Variants in SCFD1 observed in about 807,000 individuals in gnomAD.
The protein encoded by SCFD1 is sec1 family domain containing 1.
SCFD1 carries 37 observed loss-of-function variants against 103.2 expected under a neutral mutation model. That is an observed-to-expected ratio of 0.36 (90% CI 0.28 to 0.47). The LOEUF (loss-of-function observed/expected upper bound fraction) is 0.47, where lower values mean the gene tolerates loss of function less well. Ranked by LOEUF, SCFD1 falls within the 20% of genes least tolerant of loss-of-function variation. SCFD1 has a pLI of 1.00. For synonymous variants in SCFD1, 264 were observed against 245.0 expected (o/e 1.08, Z -0.73); for missense variants, 639 against 761.2 (o/e 0.84, Z 1.89).
chr14:30,691,011 G>A lies in SCFD1; in HGVS notation c.1243-3762G>A, dbSNP rs80044655. Among the ~76,000 whole-genome samples, 32 of 152,292 alleles carry A rather than the reference G, an allele frequency of 2.1e-4. No individual in the cohort carries two copies. In the East Asian group the frequency reaches 6.2e-3, roughly 29 times the overall value. On this transcript the variant is annotated intron_variant, in intron 14 of 24. Coordinates refer to ENST00000458591, the MANE Select transcript of SCFD1 (RefSeq NM_016106.4). ...AAGATTAATCTTTGGAATTACAGAA[G>A]TTGCTTCTCTTAGTGTTTTCTCTCA...
At chr14:30,691,479 T>A (rs1294855371) in intron 14 of SCFD1, among the ~76,000 whole-genome samples, 1 of 152,184 alleles carries the variant, frequency 6.6e-6, no homozygotes, top group Non-Finnish European at 1.5e-5. Context: ...ATAGGTGCCT[T>A]GAAGAGATAC....
intron 14 of SCFD1, among the ~76,000 whole-genome samples, chr14:30,684,728 C>CTTTTTTT (rs766941201): frequency 2.1e-4 from 12 of 56,888 alleles, no homozygotes; most frequent in South Asian, 5.8e-4. Flanking sequence ...CTCACTTATT[C>CTTTTTTT]TTTTTTTTTT....
At chr14:30,734,914 AT>A (rs1893730602) in intron 24 of SCFD1, 56 bp downstream of exon 24, 1 of 1,386,694 alleles carries the variant, frequency 7.2e-7, no homozygotes, top group Non-Finnish European at 1.0e-6. Flanking sequence ...TGCTATTGGT[AT>A]TTTTCAAAAG....
intron 16 of SCFD1, among the ~76,000 whole-genome samples, chr14:30,701,309 C>A (rs1422298823): frequency 6.6e-6 from 1 of 152,160 alleles, no homozygotes; most frequent in Non-Finnish European, 1.5e-5. Flanking sequence ...TTGTAAGTAT[C>A]TCTTTCAGGC....
At chr14:30,703,966 T>TATATATAA (rs1433198478) in intron 17 of SCFD1, among the ~76,000 whole-genome samples, 10 of 90,900 alleles carry the variant, frequency 1.1e-4, no homozygotes, top group South Asian at 7.3e-4. Flanking sequence ...TATATATAAA[T>TATATATAA]AATGAGATAT....
rs370602126 is a variant in SCFD1 at position 30,643,734 on chromosome 14, C to T, written c.613+329C>T. The stretch of plus-strand genomic sequence containing the variant: ...ATATTTCATTATGAAAAATTTCAAA[C>T]ACATTTCTAAATAGAGAAATAAATG... On this transcript the variant is annotated intron_variant, in intron 7 of 24. Coordinates refer to ENST00000458591, the MANE Select transcript of SCFD1 (RefSeq NM_016106.4). The T allele has an allele frequency of 2.2e-3, 705 of 314,308 alleles. 19 individuals are homozygous for T. The South Asian group carries it at 0.026, about 12-fold the overall frequency. 19.5% of individuals were successfully genotyped at this position (314,308 alleles called of 1,614,324 possible).
At chr14:30,646,013 G>A (rs1326406834) in intron 7 of SCFD1, among the ~76,000 whole-genome samples, 2 of 151,686 alleles carry the variant, frequency 1.3e-5, no homozygotes, top group African/African-American at 4.8e-5. Flanking sequence ...TTTGTTGAGG[G>A]TTTTTTTGTG....
chr14:30,694,716 A>T, intron 14 of SCFD1, 57 bp from the exon 15 acceptor site: 1 of 1,518,584 alleles, frequency 6.6e-7, no homozygotes, highest in East Asian at 2.4e-5. Context: ...AGGTGAGTAG[A>T]TCATTATGTA....
intron 20 of SCFD1, among the ~76,000 whole-genome samples, chr14:30,717,352 CTGTAG>C (rs1892348906): frequency 1.3e-5 from 2 of 152,010 alleles, no homozygotes; most frequent in African/African-American, 4.8e-5. Flanking sequence ...TGATACACAC[CTGTAG>C]TCCCAGCTAT....
intron 7 of SCFD1, among the ~76,000 whole-genome samples, chr14:30,645,940 A>C (rs1328500362): frequency 1.3e-5 from 2 of 152,030 alleles, no homozygotes; most frequent in Non-Finnish European, 2.9e-5. Context: ...TTATTATGAC[A>C]TTGGCTGTGT....
intron 1 of SCFD1, among the ~76,000 whole-genome samples, chr14:30,624,543 T>G (rs1319548140): frequency 6.6e-6 from 1 of 152,204 alleles, no homozygotes; most frequent in Admixed American, 6.5e-5. Flanking sequence ...AGTTCTACTC[T>G]GAAAATACAT....
Position 30,670,241 on chromosome 14 carries a change from A to G in SCFD1, c.856-15A>G. On this transcript the variant is annotated splice_polypyrimidine_tract_variant and intron_variant, in intron 10 of 24. Transcript: ENST00000458591. ...TTAGAAAACAGTTGTTTAACACAAG[A>G]TTACTTTTTCCTAGGATTTCCATTT... The G allele has an allele frequency of 1.3e-6, 2 of 1,564,944 alleles. No individual in the cohort carries two copies. The highest frequency in any genetic ancestry group is 1.7e-6 in the Non-Finnish European group (2 of 1,157,916).
intron 20 of SCFD1, among the ~76,000 whole-genome samples, chr14:30,718,172 A>G (rs1410210281): frequency 6.6e-6 from 1 of 152,208 alleles, no homozygotes; most frequent in Non-Finnish European, 1.5e-5. Flanking sequence ...TTAACAGTGG[A>G]AGAGAGGCAA....
intron 12 of SCFD1, 39 bp from the exon 13 acceptor site, chr14:30,673,885 G>T (rs766585835): frequency 1.4e-6 from 2 of 1,398,620 alleles, no homozygotes; most frequent in East Asian, 4.6e-5. Flanking sequence ...TTGTGCCTGG[G>T]ATTTTTGAGT....
chr14:30,704,134 A>G (rs913658268), intron 17 of SCFD1, among the ~76,000 whole-genome samples: 1 of 151,732 alleles, frequency 6.6e-6, no homozygotes, highest in Non-Finnish European at 1.5e-5. Flanking sequence ...TGTCTGCACT[A>G]CAAGTAAACA....
intron 11 of SCFD1, among the ~76,000 whole-genome samples, chr14:30,671,313 T>C (rs1479267630): frequency 6.6e-6 from 1 of 152,110 alleles, no homozygotes; most frequent in Admixed American, 6.6e-5. Flanking sequence ...TATGGCAGTT[T>C]TAGGTACTAT....
intron 3 of SCFD1, among the ~76,000 whole-genome samples, chr14:30,631,162 G>T (rs1192407023): frequency 6.6e-6 from 1 of 152,104 alleles, no homozygotes; most frequent in African/African-American, 2.4e-5. Context: ...GACCAGCCTG[G>T]TCACGTGGTG....
intron 10 of SCFD1, among the ~76,000 whole-genome samples, chr14:30,664,151 G>A (rs750389967): frequency 1.8e-4 from 28 of 152,032 alleles, no homozygotes; most frequent in Non-Finnish European, 3.5e-4. Context: ...TCATACACCC[G>A]GGCGCCCCTC....
chr14:30,650,829 T>C (rs1040535306), intron 9 of SCFD1, among the ~76,000 whole-genome samples, 179 bp downstream of exon 9: 1 of 152,166 alleles, frequency 6.6e-6, no homozygotes, highest in Non-Finnish European at 1.5e-5. Context: ...TTTTATTCAA[T>C]TTACCTTTTG....
Sources: gnomAD v4.1 joint callset for allele counts (sites outside exome capture counted in the v4.1 genomes callset) on GRCh38, gnomAD v4.1.1 for gene constraint, MANE v1.5 for transcripts, NCBI Gene and HGNC (gene_info 2026-07-23, HGNC 2026-07-21) for gene names.